Variants in CAPN2 observed in about 807,000 individuals in gnomAD.
The protein encoded by CAPN2 is calpain 2.
CAPN2 carries 92 observed loss-of-function variants against 102.3 expected under a neutral mutation model. The ratio of observed to expected loss-of-function variants is 0.90; its 90% CI spans 0.76 to 1.07. The LOEUF is 1.07. CAPN2 is among the 50% of genes least tolerant of loss of function. The pLI, the probability that CAPN2 is intolerant of heterozygous loss-of-function variation, is 0.00. For missense variants in CAPN2, 800 were observed against 909.4 expected (o/e 0.88, Z 1.55); for synonymous variants, 340 against 355.4 (o/e 0.96, Z 0.49).
In CAPN2 at chr1:223,752,085, A is replaced by C. The variant is rs199502823; in HGVS notation, c.974+14A>C. ...TGGAGAATTCTGGTAAGATTAGTGG[A>C]GGCTTCAGGGAAAGCTCTGTCTGCC... On this transcript the variant is annotated intron_variant, in intron 8 of 20. Transcript: ENST00000295006. The C allele has an allele frequency of 1.8e-5, 28 of 1,582,456 alleles. No homozygotes were observed. The highest frequency in any genetic ancestry group is 2.3e-5 in the Non-Finnish European group (26 of 1,151,964).
At chr1:223,766,553 T>A in intron 16 of CAPN2, 122 bp downstream of exon 16, 1 of 782,688 alleles carries the variant, frequency 1.3e-6, no homozygotes, top group Non-Finnish European at 2.2e-6. Context: ...CTTGCTGAGT[T>A]GCTGTCGGAC....
Position 223,755,692 on chromosome 1 carries a change from C to G in CAPN2, c.1305+43C>G. Reference sequence around the variant, plus strand: ...TCCTGCCCTCCCTTCCCCATGTGTTCATCTCAGCCCCTGCATGGAAAGCTG... The same window carrying G: ...TCCTGCCCTCCCTTCCCCATGTGTTGATCTCAGCCCCTGCATGGAAAGCTG... On this transcript the variant is annotated intron_variant, in intron 10 of 20. Transcript: ENST00000295006. This position sits in a 1 kb window ranked among gnomAD's most constrained non-coding sequence, Gnocchi z 4.1. 1 of 1,497,468 alleles carries G rather than the reference C, an allele frequency of 6.7e-7. No individual in the cohort carries two copies. Among genetic ancestry groups the G allele is most frequent in the South Asian group, 1.3e-5 (1 of 74,490 alleles). 92.8% of individuals were successfully genotyped at this position (1,497,468 alleles called of 1,614,324 possible).
chr1:223,767,303 A>G (rs1237875958), intron 16 of CAPN2, among the ~76,000 whole-genome samples: 1 of 151,116 alleles, frequency 6.6e-6, no homozygotes, highest in Non-Finnish European at 1.5e-5. Context: ...CTCGTCATCT[A>G]GCATTAGGTA....
chr1:223,737,433 G>A (rs1571795532), intron 2 of CAPN2, among the ~76,000 whole-genome samples: 1 of 152,224 alleles, frequency 6.6e-6, no homozygotes, highest in Non-Finnish European at 1.5e-5. Context: ...CCCTGCTAGC[G>A]GGAGATGTCA....
intron 16 of CAPN2, 47 bp from the exon 17 acceptor site, chr1:223,769,794 A>G (rs747376910): frequency 4.3e-5 from 61 of 1,410,326 alleles, no homozygotes; most frequent in Non-Finnish European, 3.5e-5. Context: ...AGGTGACACT[A>G]TGTGCAAATG....
Position 223,755,478 on chromosome 1 carries a change from A to G in CAPN2, c.1136-2A>G, listed in dbSNP as rs111577998. 4 of 1,613,894 alleles carry G rather than the reference A, an allele frequency of 2.5e-6. No individual in the cohort carries two copies. The African/African-American group carries it at 4.0e-5, about 16-fold the overall frequency. On this transcript the variant is annotated splice_acceptor_variant, in intron 9 of 20. Transcript: ENST00000295006. LOFTEE classifies it high-confidence loss of function. The surrounding 1 kb of genome is among the most constrained non-coding windows in gnomAD (Gnocchi z 4.1). ...GGCTCCTCTGCCCCTTTCTGGCTGCAGACACATTCTGGATGAACCCTCAGT... is the reference window on the plus strand; with the variant it reads ...GGCTCCTCTGCCCCTTTCTGGCTGCGGACACATTCTGGATGAACCCTCAGT...
At chr1:223,724,115 T>A (rs1481985297) in intron 2 of CAPN2, among the ~76,000 whole-genome samples, 2 of 152,150 alleles carry the variant, frequency 1.3e-5, no homozygotes, top group African/African-American at 4.8e-5. Context: ...CTTCTGACAT[T>A]CTGTGACTTT....
chr1:223,742,252 C>G (rs1660635577), intron 2 of CAPN2, among the ~76,000 whole-genome samples: 1 of 151,832 alleles, frequency 6.6e-6, no homozygotes, highest in East Asian at 1.9e-4. Context: ...ATTAGCCAAG[C>G]ATGGTGGCAG....
intron 2 of CAPN2, among the ~76,000 whole-genome samples, chr1:223,724,179 T>C (rs1660130749): frequency 6.6e-6 from 1 of 152,244 alleles, no homozygotes; most frequent in African/African-American, 2.4e-5. Flanking sequence ...TGGCTTTAGC[T>C]GGACTGGTGT....
At chr1:223,721,339 C>G (rs1358373605) in intron 2 of CAPN2, among the ~76,000 whole-genome samples, 1 of 152,114 alleles carries the variant, frequency 6.6e-6, no homozygotes, top group East Asian at 1.9e-4. Flanking sequence ...TGAAATGGCT[C>G]CCAAGGACCC....
At chr1:223,737,714 TGGGG>T (rs1310191822) in intron 2 of CAPN2, among the ~76,000 whole-genome samples, 4 of 16,958 alleles carry the variant, frequency 2.4e-4, no homozygotes, top group South Asian at 4.5e-3. Context: ...GGGCGGGGGG[TGGGG>T]GGGAGAGAAT....
chr1:223,709,150 CTTTG>C (rs879562158), upstream of CAPN2, among the ~76,000 whole-genome samples: 7 of 152,122 alleles, frequency 4.6e-5, no homozygotes, highest in East Asian at 7.8e-4. Context: ...GGACACTCCA[CTTTG>C]TTTGTGCTTG....
chr1:223,764,266 A>C, intron 15 of CAPN2, 59 bp downstream of exon 15: 1 of 1,447,986 alleles, frequency 6.9e-7, no homozygotes, highest in South Asian at 1.1e-5. Context: ...ATGGGAGGGA[A>C]CATGGAAATC....
upstream of CAPN2, chr1:223,712,440 C>A (rs891363752): frequency 9.9e-6 from 11 of 1,112,802 alleles, no homozygotes; most frequent in African/African-American, 1.7e-5. Context: ...GGCCTGGTCC[C>A]GGGCCGGGAG....
intron 20 of CAPN2, among the ~76,000 whole-genome samples, chr1:223,773,840 G>A (rs1571825474): frequency 6.6e-6 from 1 of 152,004 alleles, no homozygotes; most frequent in South Asian, 2.1e-4. Context: ...TAGGCAACAA[G>A]AGCAAAACCC....
upstream of CAPN2, among the ~76,000 whole-genome samples, chr1:223,708,813 A>G (rs1373876355): frequency 6.6e-6 from 1 of 151,052 alleles, no homozygotes; most frequent in Non-Finnish European, 1.5e-5. Context: ...AGAAGGAGAG[A>G]AGGAGAGGAA....
intron 16 of CAPN2, among the ~76,000 whole-genome samples, chr1:223,769,370 C>T (rs1391916444): frequency 6.6e-6 from 1 of 152,148 alleles, no homozygotes; most frequent in Non-Finnish European, 1.5e-5. Context: ...ATCTGCCCAC[C>T]TTGGCCTCCC....
chr1:223,764,105 C>T, intron 14 of CAPN2, 45 bp from the exon 15 acceptor site: 1 of 1,525,788 alleles, frequency 6.6e-7, no homozygotes, highest in Non-Finnish European at 9.1e-7. Flanking sequence ...GCTCATCCAG[C>T]TCCCACGGGG....
intron 16 of CAPN2, among the ~76,000 whole-genome samples, chr1:223,767,524 AT>A (rs906453288): frequency 6.0e-5 from 9 of 150,740 alleles, no homozygotes; most frequent in Non-Finnish European, 1.5e-5. Flanking sequence ...TGAACTCATC[AT>A]TTTTTATGGC....
Sources: allele counts gnomAD v4.1 joint callset (sites outside exome capture counted in the v4.1 genomes callset), GRCh38; gene constraint gnomAD v4.1.1; non-coding constraint Gnocchi (gnomAD v3.1); transcripts MANE v1.5; gene names NCBI Gene and HGNC (gene_info 2026-07-23, HGNC 2026-07-21).